ROBO2: variants seen among roughly 807,000 people sequenced by gnomAD.
ROBO2 encodes the protein roundabout guidance receptor 2, also known as roundabout homolog 2.
ROBO2 carries 53 observed loss-of-function variants against 160.8 expected under a neutral mutation model. The ratio of observed to expected loss-of-function variants is 0.33; its 90% CI spans 0.26 to 0.41. The LOEUF (loss-of-function observed/expected upper bound fraction) is 0.41, where lower values mean the gene tolerates loss of function less well. Among genes scored for constraint, ROBO2 ranks in the 10% least tolerant of loss-of-function variants. The probability of loss-of-function intolerance (pLI) is 1.00; values close to 1 mark genes in which losing one functional copy is unlikely to be tolerated. For missense variants in ROBO2, 1,577 were observed against 1,722.4 expected (o/e 0.92, Z 1.49); for synonymous variants, 664 against 611.7 (o/e 1.09, Z -1.26).
chr3:77,395,177 A>G (rs985088240), intron 2 of ROBO2, among the ~76,000 whole-genome samples: 1 of 152,152 alleles, frequency 6.6e-6, no homozygotes, highest in Non-Finnish European at 1.5e-5. Context: ...ATTATGATAG[A>G]TTGATTTTAA....
intron 2 of ROBO2, among the ~76,000 whole-genome samples, chr3:77,140,285 A>G (rs931302015): frequency 6.6e-6 from 1 of 152,138 alleles, no homozygotes; most frequent in Non-Finnish European, 1.5e-5. Context: ...GGGACAAATA[A>G]TGATCTTTTA....
intron 2 of ROBO2, among the ~76,000 whole-genome samples, chr3:76,583,747 C>T (rs1425016572): frequency 3.7e-4 from 57 of 152,082 alleles, no homozygotes; most frequent in Admixed American, 3.7e-3. Context: ...ATTCCTGCTA[C>T]GTGCAAAATC....
chr3:76,058,798 C>T (rs770904956), intron 2 of ROBO2, among the ~76,000 whole-genome samples: 2 of 86,840 alleles, frequency 2.3e-5, no homozygotes, highest in Non-Finnish European at 4.3e-5. Context: ...ATCCCTCCCC[C>T]CTCCCCCCAC....
intron 23 of ROBO2, among the ~76,000 whole-genome samples, chr3:77,625,682 A>T (rs1378090277): frequency 6.6e-6 from 1 of 152,146 alleles, no homozygotes; most frequent in Non-Finnish European, 1.5e-5. Flanking sequence ...GGCCCATGCA[A>T]GGCATCTTTC....
intron 1 of ROBO2, among the ~76,000 whole-genome samples, chr3:77,054,514 T>C (rs1203486713): frequency 2.6e-5 from 4 of 152,082 alleles, no homozygotes; most frequent in Non-Finnish European, 4.4e-5. Context: ...TCAGATGAAG[T>C]GTGTCGCATT....
chr3:77,604,009 G>A (rs954376761), intron 20 of ROBO2: 18 of 152,098 alleles, frequency 1.2e-4, no homozygotes, highest in African/African-American at 3.6e-4. Flanking sequence ...AAGCATCAAA[G>A]CCATAAAGAG....
intron 2 of ROBO2, among the ~76,000 whole-genome samples, chr3:77,104,691 G>A (rs1029977003): frequency 6.6e-6 from 1 of 151,824 alleles, no homozygotes; most frequent in African/African-American, 2.4e-5. Context: ...ATTTACTGGT[G>A]CATTGAAGTA....
chr3:77,552,827 T>C (rs1217224560), intron 8 of ROBO2, among the ~76,000 whole-genome samples: 1 of 152,038 alleles, frequency 6.6e-6, no homozygotes, highest in Admixed American at 6.6e-5. Context: ...CATTGGCTGA[T>C]GCCTTAAGCT....
At chr3:76,911,008 G>A (rs1002495372) in intron 2 of ROBO2, among the ~76,000 whole-genome samples, 1 of 152,090 alleles carries the variant, frequency 6.6e-6, no homozygotes, top group Non-Finnish European at 1.5e-5. Context: ...TTTTAATAGT[G>A]TATGTGTTGG....
At chr3:77,245,630 T>C (rs1476242335) in intron 2 of ROBO2, among the ~76,000 whole-genome samples, 1 of 152,224 alleles carries the variant, frequency 6.6e-6, no homozygotes. Flanking sequence ...GCTGTGTGGA[T>C]ACAAGGGAGA....
chr3:77,200,270 TATATATATATATA>T (rs2082733034), intron 2 of ROBO2, among the ~76,000 whole-genome samples: 1 of 9,470 alleles, frequency 1.1e-4, no homozygotes, highest in African/African-American at 7.4e-4. Flanking sequence ...ACATATTTTA[TATATATATATATA>T]TATATATATA....
At chr3:76,326,472 AATAT>A (rs1411885806) in intron 2 of ROBO2, among the ~76,000 whole-genome samples, 1 of 152,176 alleles carries the variant, frequency 6.6e-6, no homozygotes, top group Non-Finnish European at 1.5e-5. Flanking sequence ...CATACTAGTA[AATAT>A]ATGTGTATTA....
At chr3:76,997,655 T>TTA (rs149274044) in intron 2 of ROBO2, among the ~76,000 whole-genome samples, 129 of 152,302 alleles carry the variant, frequency 8.5e-4, no homozygotes, top group African/African-American at 3.0e-3. Flanking sequence ...AAGAGTGACA[T>TTA]GAGAGAGAAG....
At chr3:76,249,672 T>C (rs896160826) in intron 2 of ROBO2, among the ~76,000 whole-genome samples, 1 of 152,092 alleles carries the variant, frequency 6.6e-6, no homozygotes, top group Non-Finnish European at 1.5e-5. Flanking sequence ...AATAATACTT[T>C]ACTGCAGAAA....
intron 21 of ROBO2, among the ~76,000 whole-genome samples, chr3:77,616,757 T>A (rs1358208263): frequency 6.6e-6 from 1 of 152,190 alleles, no homozygotes; most frequent in Non-Finnish European, 1.5e-5. Context: ...GGTTAAAACT[T>A]TTTGGATTAA....
rs547977124 is a variant in ROBO2, at chr3:77,563,086, T to G, written c.1520-81T>G. ...TTCTCACTGTCTAGGTCAGGTCCTT[T>G]AGTAGACTGCTTCCTTCTTTTAGGC... On this transcript the variant is annotated intron_variant, in intron 10 of 25. Coordinates refer to ENST00000461745, the Ensembl canonical transcript of ROBO2. 2.2e-6 allele frequency: 3 copies of G among 1,365,120 alleles called. No individual in the cohort carries two copies. In the Admixed American group the frequency reaches 5.2e-5, roughly 24 times the overall value. 84.6% of individuals were successfully genotyped at this position (1,365,120 alleles called of 1,614,324 possible). A position where few individuals can be genotyped will look rare whatever the true frequency, so the allele number is the denominator to read the frequency against.
intron 1 of ROBO2, among the ~76,000 whole-genome samples, chr3:77,041,235 A>G (rs533365822): frequency 6.6e-6 from 1 of 152,208 alleles, no homozygotes; most frequent in Non-Finnish European, 1.5e-5. Flanking sequence ...GAGACATTCA[A>G]GTGAAGAAAT....
chr3:76,893,607 G>A (rs2074529764), intron 2 of ROBO2, among the ~76,000 whole-genome samples: 1 of 151,746 alleles, frequency 6.6e-6, no homozygotes, highest in African/African-American at 2.4e-5. Flanking sequence ...TATGTATAAT[G>A]ATCAAGTCAG....
chr3:77,509,110 G>A (rs1456208685), intron 5 of ROBO2, among the ~76,000 whole-genome samples: 2 of 152,110 alleles, frequency 1.3e-5, no homozygotes, highest in African/African-American at 4.8e-5. Flanking sequence ...TTTTAGAAAA[G>A]TGACAAGACA....
Sources: allele counts gnomAD v4.1 joint callset (sites outside exome capture counted in the v4.1 genomes callset), GRCh38; gene constraint gnomAD v4.1.1; transcripts MANE v1.5; gene names NCBI Gene and HGNC (gene_info 2026-07-23, HGNC 2026-07-21).